The following ARHGAP35 variants were observed in gnomAD, a reference collection of about 807,000 sequenced individuals.
ARHGAP35 encodes the protein Rho GTPase activating protein 35.
A neutral mutation model predicts 111.1 loss-of-function variants in ARHGAP35; 15 were observed. The ratio of observed to expected loss-of-function variants is 0.13; its 90% CI spans 0.09 to 0.21. ARHGAP35 has a LOEUF of 0.21. Ranked by LOEUF, ARHGAP35 falls within the 10% of genes least tolerant of loss-of-function variation. The pLI is 1.00. For missense variants in ARHGAP35, 1,262 were observed against 1,873.0 expected (o/e 0.67, Z 6.02); for synonymous variants, 643 against 710.3 (o/e 0.91, Z 1.51).
chr19:46,861,831 G>A (rs756275020), intron 1 of ARHGAP35, among the ~76,000 whole-genome samples: 1 of 152,064 alleles, frequency 6.6e-6, no homozygotes, highest in Non-Finnish European at 1.5e-5. Context: ...ACCCTTTGGA[G>A]ATCCATCTGA....
At chr19:46,870,611 G>A (rs1004240240) in intron 1 of ARHGAP35, among the ~76,000 whole-genome samples, 1 of 152,026 alleles carries the variant, frequency 6.6e-6, no homozygotes, top group Admixed American at 6.6e-5. Flanking sequence ...CCTCTGATTG[G>A]TCAGTCAACT....
intron 3 of ARHGAP35, among the ~76,000 whole-genome samples, chr19:46,958,384 CAAA>C (rs796810574): frequency 5.3e-5 from 4 of 75,588 alleles, no homozygotes; most frequent in Non-Finnish European, 8.2e-5. Flanking sequence ...GACTCCGTCT[CAAA>C]AAAAAAAAAA....
intron 3 of ARHGAP35, among the ~76,000 whole-genome samples, chr19:46,961,456 A>G (rs1364385602): frequency 6.6e-6 from 1 of 152,212 alleles, no homozygotes; most frequent in Admixed American, 6.5e-5. Flanking sequence ...ATATTAGGGT[A>G]GTGGTAAAAT....
intron 1 of ARHGAP35, among the ~76,000 whole-genome samples, chr19:46,910,497 G>A (rs1482645944): frequency 6.7e-6 from 1 of 149,588 alleles, no homozygotes; most frequent in Non-Finnish European, 1.5e-5. Context: ...TCACCATGTT[G>A]GCCAGGCTGG....
chr19:46,888,109 G>A (rs1475355161), intron 1 of ARHGAP35, among the ~76,000 whole-genome samples: 4 of 149,510 alleles, frequency 2.7e-5, no homozygotes, highest in Non-Finnish European at 5.9e-5. Context: ...CCGCCACCAC[G>A]CCTGGCTAAT....
chr19:46,870,552 C>G (rs1013173567), intron 1 of ARHGAP35, among the ~76,000 whole-genome samples: 4 of 151,940 alleles, frequency 2.6e-5, no homozygotes, highest in Admixed American at 1.3e-4. Context: ...GCACTCCAGC[C>G]TGGGTGACAG....
At chr19:46,981,223 G>A (rs1401919437) in intron 3 of ARHGAP35, among the ~76,000 whole-genome samples, 1 of 152,196 alleles carries the variant, frequency 6.6e-6, no homozygotes, top group East Asian at 1.9e-4. Flanking sequence ...CTTAGACTTA[G>A]TCTTGCATGT....
intron 1 of ARHGAP35, among the ~76,000 whole-genome samples, chr19:46,896,537 T>G (rs2122160550): frequency 6.6e-6 from 1 of 152,230 alleles, no homozygotes; most frequent in Non-Finnish European, 1.5e-5. Context: ...AAAGAGCAAG[T>G]GGATTAGAGC....
At chr19:46,885,421 C>T (rs1010825005) in intron 1 of ARHGAP35, among the ~76,000 whole-genome samples, 1 of 152,174 alleles carries the variant, frequency 6.6e-6, no homozygotes, top group African/African-American at 2.4e-5. Context: ...ACAGGCCATG[C>T]ATGCTAGGTG....
intron 3 of ARHGAP35, among the ~76,000 whole-genome samples, chr19:46,984,345 C>T: frequency 6.6e-6 from 1 of 152,092 alleles, no homozygotes. Flanking sequence ...GTGGGGTGTT[C>T]TAGACACAAA....
chr19:46,996,703 G>A (rs1261583442), intron 5 of ARHGAP35, among the ~76,000 whole-genome samples: 1 of 152,222 alleles, frequency 6.6e-6, no homozygotes, highest in African/African-American at 2.4e-5. Flanking sequence ...CAGCTGGAAG[G>A]GGGCATGACG....
In ARHGAP35 at chr19:47,001,686, A is replaced by G. The variant is rs1462477995; in HGVS notation, c.*998A>G. The stretch of plus-strand genomic sequence containing the variant: ...CAGGCTGGAACCTGGGCTGCCCCAG[A>G]ACACAGTCCATTACGATAGAAACAC... On this transcript the variant is annotated 3_prime_UTR_variant, in exon 7 of 7. Transcript: ENST00000672722. The surrounding 1 kb of genome is among the most constrained non-coding windows in gnomAD (Gnocchi z 5.4). The G allele has an allele frequency of 5.7e-6, 2 of 348,464 alleles. No individual in the cohort carries two copies. The highest frequency in any genetic ancestry group is 1.5e-4 in the East Asian group (2 of 13,286). 21.6% of individuals were successfully genotyped at this position (348,464 alleles called of 1,614,324 possible).
At chr19:46,876,960 T>G (rs2055926467) in intron 1 of ARHGAP35, among the ~76,000 whole-genome samples, 1 of 152,096 alleles carries the variant, frequency 6.6e-6, no homozygotes, top group Non-Finnish European at 1.5e-5. Flanking sequence ...ATATAAAAGT[T>G]AAGTTTTGGC....
In ARHGAP35 at chr19:46,931,932, C is replaced by T. The variant is rs561599317; in HGVS notation, c.3682-5332C>T. 7.2e-5 allele frequency among the ~76,000 whole-genome samples: 11 copies of T among 152,300 alleles called. No individual in the cohort carries two copies. In the East Asian group the frequency reaches 2.1e-3, roughly 29 times the overall value. ...AATAATTGTGCAGAGCAGCTACCAC[C>T]ATGCCCAGCCACTCCTAGGGAATCT... On this transcript the variant is annotated intron_variant, in intron 2 of 6. Transcript: ENST00000672722.
intron 1 of ARHGAP35, among the ~76,000 whole-genome samples, chr19:46,878,677 G>C (rs367621527): frequency 2.7e-4 from 41 of 152,200 alleles, no homozygotes; most frequent in African/African-American, 9.9e-4. Flanking sequence ...GTCTCATTCT[G>C]TTGACCAGCC....
chr19:46,999,234 C>T lies in ARHGAP35; in HGVS notation c.4037-70C>T. 9.4e-7 allele frequency: 1 copy of T among 1,062,340 alleles called. No individual in the cohort carries two copies. Among genetic ancestry groups the T allele is most frequent in the Non-Finnish European group, 1.4e-6 (1 of 707,884 alleles). 65.8% of individuals were successfully genotyped at this position (1,062,340 alleles called of 1,614,324 possible). A position where few individuals can be genotyped will look rare whatever the true frequency, so the allele number is the denominator to read the frequency against. The stretch of plus-strand genomic sequence containing the variant: ...GGCTGTCCTCAGAGAAGGCCCATCA[C>T]AGAGCACGCCCTGGGGTGGCCACCA... On this transcript the variant is annotated intron_variant, in intron 5 of 6. Transcript: ENST00000672722. This position sits in a 1 kb window ranked among gnomAD's most constrained non-coding sequence, Gnocchi z 5.4.
rs532528311 is a variant in ARHGAP35 at position 46,914,361 on chromosome 19, T to G, written c.-188-4127T>G. The stretch of plus-strand genomic sequence containing the variant: ...GGCTCGTGCCTATGATCCCAGCACT[T>G]TGGGAGGCTGAGGTGTGAGTGGGAG... On this transcript the variant is annotated intron_variant, in intron 1 of 6. Transcript: ENST00000672722. 2.6e-4 allele frequency among the ~76,000 whole-genome samples: 39 copies of G among 152,230 alleles called. No homozygotes were observed. The East Asian group carries it at 7.1e-3, about 28-fold the overall frequency.
Position 46,921,479 on chromosome 19 carries a change from A to C in ARHGAP35, c.2804A>C (p.His935Pro). The change falls in exon 2 of 7, where the codon CAC becomes CCC. Residue 935 changes from histidine to proline, a missense_variant. His to Pro is a moderately conservative substitution (Grantham distance 77). Transcript: ENST00000672722. The surrounding 1 kb of genome is among the most constrained non-coding windows in gnomAD (Gnocchi z 4.3). Reference sequence around the variant, plus strand: ...CCCCAGCATAAACTTGAGATCTTTCACCCATTTTTTAAAGATGTGGTGGAA... The same window carrying C: ...CCCCAGCATAAACTTGAGATCTTTCCCCCATTTTTTAAAGATGTGGTGGAA... ...SQPQHKLEIF[H>P]PFFKDVVEKK... 1 of 1,613,890 alleles carries C rather than the reference A, an allele frequency of 6.2e-7. No homozygotes were observed. The highest frequency in any genetic ancestry group is 8.5e-7 in the Non-Finnish European group (1 of 1,179,858).
chr19:46,955,394 T>C (rs1045076761), intron 3 of ARHGAP35, among the ~76,000 whole-genome samples: 4 of 152,196 alleles, frequency 2.6e-5, no homozygotes, highest in Non-Finnish European at 5.9e-5. Context: ...TGATAAGCAT[T>C]ATTTCATGTC....
Sources: gnomAD v4.1 joint callset for allele counts (sites outside exome capture counted in the v4.1 genomes callset) on GRCh38, gnomAD v4.1.1 for gene constraint, Gnocchi (gnomAD v3.1) non-coding constraint, MANE v1.5 for transcripts, NCBI Gene and HGNC (gene_info 2026-07-23, HGNC 2026-07-21) for gene names.